CUX2: variants seen among roughly 807,000 people sequenced by gnomAD.
The protein encoded by CUX2 is homeobox protein cut-like 2.
CUX2 carries 40 observed loss-of-function variants against 144.8 expected under a neutral mutation model. That is an observed-to-expected ratio of 0.28 (90% CI 0.21 to 0.36). The LOEUF (loss-of-function observed/expected upper bound fraction) is 0.36, where lower values mean the gene tolerates loss of function less well. Ranked by LOEUF, CUX2 falls within the 10% of genes least tolerant of loss-of-function variation. CUX2 has a pLI of 1.00. For synonymous variants in CUX2, 827 were observed against 875.6 expected (o/e 0.94, Z 0.98); for missense variants, 1,615 against 1,994.0 (o/e 0.81, Z 3.62).
intron 1 of CUX2, among the ~76,000 whole-genome samples, chr12:111,130,786 G>C: frequency 6.6e-6 from 1 of 152,152 alleles, no homozygotes; most frequent in East Asian, 1.9e-4. Context: ...CCCCCTCACT[G>C]TGAGCCACCT....
chr12:111,281,905 G>A (rs1885129972), intron 4 of CUX2, among the ~76,000 whole-genome samples: 1 of 152,290 alleles, frequency 6.6e-6, no homozygotes, highest in South Asian at 2.1e-4. Context: ...GAGAAAGAAG[G>A]GAAGGAGGAG....
At chr12:111,099,860 C>G (rs1873099868) in intron 1 of CUX2, 1 of 428,732 alleles carries the variant, frequency 2.3e-6, no homozygotes, top group South Asian at 1.7e-5. Flanking sequence ...GAGGGACCGT[C>G]TGGCTCAATC....
intron 21 of CUX2, 23 bp downstream of exon 21, chr12:111,342,076 A>G: frequency 6.3e-7 from 1 of 1,590,210 alleles, no homozygotes. Flanking sequence ...GGGCGTACCC[A>G]CAGGCGGGTG....
rs1383148425 is a variant in CUX2 at position 111,307,027 on chromosome 12, G to A, written c.965G>A (p.Ser322Asn). 8 of 1,613,906 alleles carry A rather than the reference G, an allele frequency of 5.0e-6. No homozygotes were observed. Among genetic ancestry groups the A allele is most frequent in the Non-Finnish European group, 6.8e-6 (8 of 1,179,978 alleles). The change falls in exon 11 of 22, where the codon AGC becomes AAC. Residue 322 changes from serine to asparagine, a missense_variant. Coordinates refer to ENST00000261726, the MANE Select transcript of CUX2 (RefSeq NM_015267.4). This position sits in a 1 kb window ranked among gnomAD's most constrained non-coding sequence, Gnocchi z 4.1. ...RLLKDVQHLQ[S>N]SLQELEEASA... ...CTGAAGGACGTGCAGCACCTCCAGA[G>A]CTCACTGCAGGAGCTGGAGGAGGCA...
chr12:111,049,396 A>C (rs1177877415), intron 1 of CUX2, among the ~76,000 whole-genome samples: 1 of 152,222 alleles, frequency 6.6e-6, no homozygotes, highest in Non-Finnish European at 1.5e-5. Context: ...CTCAGCCAAC[A>C]CTAGGAATGT....
Position 111,338,368 on chromosome 12 carries a change from C to A in CUX2, c.3279C>A (p.His1093Gln). Reference protein sequence around the residue: ...SDLLSRPKPWHKLSLKGREPF... With the variant: ...SDLLSRPKPWQKLSLKGREPF... Reference sequence around the variant, plus strand: ...TGCTGTCCCGGCCCAAACCCTGGCACAAGCTGAGCCTGAAGGGGCGGGAGC... The same window carrying A: ...TGCTGTCCCGGCCCAAACCCTGGCAAAAGCTGAGCCTGAAGGGGCGGGAGC... Residue 1093 changes from histidine (H) to glutamine (Q), a missense_variant, in exon 20 of 22, where the codon CAC becomes CAA. Around this residue, in one of 12 missense-constraint regions of CUX2, gnomAD observed 131 missense variants for 223.1 expected, o/e 0.59. Coordinates refer to ENST00000261726, the MANE Select transcript of CUX2 (RefSeq NM_015267.4). 6.2e-7 allele frequency: 1 copy of A among 1,614,158 alleles called. No homozygotes were observed. The highest frequency in any genetic ancestry group is 8.5e-7 in the Non-Finnish European group (1 of 1,180,016).
chr12:111,212,349 G>A (rs750203481), intron 1 of CUX2, among the ~76,000 whole-genome samples: 5 of 151,998 alleles, frequency 3.3e-5, no homozygotes, highest in Admixed American at 2.6e-4. Context: ...CCTGTGCTTC[G>A]GCAAGAATTG....
At chr12:111,240,550 C>A (rs754684269) in intron 3 of CUX2, among the ~76,000 whole-genome samples, 1 of 152,200 alleles carries the variant, frequency 6.6e-6, no homozygotes, top group Non-Finnish European at 1.5e-5. Flanking sequence ...CTGGTCCAAT[C>A]GGCTGAGGTC....
At chr12:111,161,667 G>T (rs1877775677) in intron 1 of CUX2, among the ~76,000 whole-genome samples, 1 of 152,164 alleles carries the variant, frequency 6.6e-6, no homozygotes, top group South Asian at 2.1e-4. Flanking sequence ...AAACAGGGCA[G>T]TTCAACTGCA....
chr12:111,163,987 C>T (rs1202938843), intron 1 of CUX2, among the ~76,000 whole-genome samples: 1 of 152,126 alleles, frequency 6.6e-6, no homozygotes, highest in Admixed American at 6.5e-5. Flanking sequence ...ACCTTAATCC[C>T]TTCATCTGTC....
At chr12:111,240,912 C>A (rs960601810) in intron 3 of CUX2, among the ~76,000 whole-genome samples, 12 of 152,182 alleles carry the variant, frequency 7.9e-5, no homozygotes, top group African/African-American at 2.9e-4. Context: ...CGATGCCAAC[C>A]AGCCCCATGT....
intron 5 of CUX2, among the ~76,000 whole-genome samples, chr12:111,292,697 T>C (rs1885755498): frequency 6.6e-6 from 1 of 152,106 alleles, no homozygotes; most frequent in Non-Finnish European, 1.5e-5. Context: ...GGCAAATTGG[T>C]AGAGACAGAA....
chr12:111,046,755 C>T (rs755122122), intron 1 of CUX2, among the ~76,000 whole-genome samples: 30 of 152,314 alleles, frequency 2.0e-4, no homozygotes, highest in Non-Finnish European at 3.7e-4. Flanking sequence ...CTCCCAGGTT[C>T]AAGCAATTCG....
chr12:111,097,723 GAGCC>G (rs1041847061), intron 1 of CUX2, among the ~76,000 whole-genome samples: 6 of 152,234 alleles, frequency 3.9e-5, no homozygotes, highest in African/African-American at 1.4e-4. Flanking sequence ...TCAGAGTCAG[GAGCC>G]AGGGAGGATC....
At chr12:111,264,751 TAAA>T (rs943912682) in intron 4 of CUX2, among the ~76,000 whole-genome samples, 1 of 151,858 alleles carries the variant, frequency 6.6e-6, no homozygotes, top group African/African-American at 2.4e-5. Context: ...CTGTCTCAAA[TAAA>T]AAAGGAATGG....
rs1565872184 is a variant in CUX2, at chr12:111,249,436, CCTTTTTTTGT to C, written c.223-14324_223-14315del. ...TTTTTTTTTTTTTAAATTAATAGAC[CCTTTTTTTGT>C]TTTTTTTTTTTTTTTTTTAGTGGGG... On this transcript the variant is annotated intron_variant, in intron 3 of 21. Transcript: ENST00000261726. Among the ~76,000 whole-genome samples, 17 of 134,890 alleles carry C rather than the reference CCTTTTTTTGT, an allele frequency of 1.3e-4. 1 individual carries two copies. Among genetic ancestry groups the C allele is most frequent in the African/African-American group, 3.7e-4 (12 of 32,714 alleles). The allele number at this position is 134,890 out of a possible 152,430, so 88.5% of individuals were successfully genotyped here. A position where few individuals can be genotyped will look rare whatever the true frequency, so the allele number is the denominator to read the frequency against.
intron 4 of CUX2, among the ~76,000 whole-genome samples, chr12:111,275,718 A>G (rs1884841675): frequency 6.6e-6 from 1 of 152,146 alleles, no homozygotes; most frequent in Admixed American, 6.5e-5. Context: ...GTGTACCCGG[A>G]CCCAAGACTG....
intron 1 of CUX2, among the ~76,000 whole-genome samples, chr12:111,095,752 T>C (rs1215378453): frequency 1.3e-5 from 2 of 152,198 alleles, no homozygotes; most frequent in African/African-American, 4.8e-5. Flanking sequence ...TGATCAATAT[T>C]ACCGTTACTA....
intron 5 of CUX2, among the ~76,000 whole-genome samples, chr12:111,291,921 C>A (rs1215005447): frequency 6.6e-6 from 1 of 152,096 alleles, no homozygotes; most frequent in Non-Finnish European, 1.5e-5. Context: ...CCAAAAGCAC[C>A]CACCAAGCCC....
Sources: allele counts gnomAD v4.1 joint callset (sites outside exome capture counted in the v4.1 genomes callset), GRCh38; gene constraint gnomAD v4.1.1; regional missense constraint gnomAD v4.1.1; non-coding constraint Gnocchi (gnomAD v3.1); transcripts MANE v1.5; gene names NCBI Gene and HGNC (gene_info 2026-07-23, HGNC 2026-07-21).